Variants in CNTN4 observed in about 807,000 individuals in gnomAD.
CNTN4 encodes contactin-4.
In CNTN4, 77 loss-of-function variants were observed where a neutral mutation model predicts 122.5. The ratio of observed to expected loss-of-function variants is 0.63; its 90% CI spans 0.52 to 0.76. The LOEUF (loss-of-function observed/expected upper bound fraction) is 0.76, where lower values mean the gene tolerates loss of function less well. CNTN4 is among the 30% of genes least tolerant of loss of function. CNTN4 has a pLI of 0.00. For missense variants in CNTN4, 1,256 were observed against 1,259.1 expected (o/e 1.00, Z 0.04); for synonymous variants, 512 against 447.0 (o/e 1.15, Z -1.83).
At chr3:2,235,225 A>C (rs1304955471) in intron 2 of CNTN4, among the ~76,000 whole-genome samples, 2 of 152,210 alleles carry the variant, frequency 1.3e-5, no homozygotes, top group Non-Finnish European at 2.9e-5. Context: ...TAATGATGCC[A>C]ACATTATCAA....
chr3:2,574,534 C>T (rs575592409), intron 4 of CNTN4, among the ~76,000 whole-genome samples: 5 of 152,144 alleles, frequency 3.3e-5, no homozygotes, highest in South Asian at 4.2e-4. Flanking sequence ...TCTTTTTCGC[C>T]AGATGACTCA....
At chr3:2,602,435 C>T (rs1028679740) in intron 4 of CNTN4, among the ~76,000 whole-genome samples, 2 of 152,124 alleles carry the variant, frequency 1.3e-5, no homozygotes, top group African/African-American at 4.8e-5. Context: ...CACAAGCATT[C>T]CTATACACCA....
intron 13 of CNTN4, among the ~76,000 whole-genome samples, chr3:2,947,044 A>G (rs1249593903): frequency 1.3e-5 from 2 of 152,156 alleles, no homozygotes; most frequent in Admixed American, 6.5e-5. Flanking sequence ...TCCAGAGCTA[A>G]GAAGAGTTAT....
chr3:2,621,512 G>A (rs1409807625), intron 4 of CNTN4, among the ~76,000 whole-genome samples: 1 of 152,064 alleles, frequency 6.6e-6, no homozygotes, highest in Non-Finnish European at 1.5e-5. Flanking sequence ...TGGGGGGCTA[G>A]TGGAGGGATA....
intron 2 of CNTN4, among the ~76,000 whole-genome samples, chr3:2,141,244 T>G (rs1458307428): frequency 6.6e-6 from 1 of 152,150 alleles, no homozygotes; most frequent in Non-Finnish European, 1.5e-5. Context: ...TCTGCCAATA[T>G]GATGAAGGTA....
At chr3:2,844,543 C>A (rs1357723034) in intron 7 of CNTN4, among the ~76,000 whole-genome samples, 1 of 152,092 alleles carries the variant, frequency 6.6e-6, no homozygotes, top group Non-Finnish European at 1.5e-5. Context: ...ATGGACTGGG[C>A]AATTACCCAT....
At chr3:2,769,325 C>T (rs547675044) in intron 6 of CNTN4, among the ~76,000 whole-genome samples, 3 of 152,006 alleles carry the variant, frequency 2.0e-5, no homozygotes, top group South Asian at 2.1e-4. Context: ...ATTAGTCGGG[C>T]GTGGTGGCGC....
intron 14 of CNTN4, among the ~76,000 whole-genome samples, chr3:3,006,525 A>G (rs1320588649): frequency 1.3e-5 from 2 of 152,196 alleles, no homozygotes; most frequent in Non-Finnish European, 2.9e-5. Context: ...TGCAAAGGAT[A>G]CTAGAAAGGG....
Position 2,841,826 on chromosome 3 carries a change from T to G in CNTN4, c.454+22245T>G, listed in dbSNP as rs2093367256. Among the ~76,000 whole-genome samples, 2 of 152,214 alleles carry G rather than the reference T, an allele frequency of 1.3e-5. No homozygotes were observed. The highest frequency in any genetic ancestry group is 4.1e-4 in the South Asian group (2 of 4,830). ...TTAAACGTTTCACCAGGGAAATGGC[T>G]GGTAAGAGATTTAGTCCTAGGAGTA... On this transcript the variant is annotated intron_variant, in intron 7 of 24. Coordinates refer to ENST00000418658, the MANE Select transcript of CNTN4 (RefSeq NM_175607.3). This position sits in a 1 kb window ranked among gnomAD's most constrained non-coding sequence, Gnocchi z 4.8.
chr3:2,593,150 T>C (rs2080581121), intron 4 of CNTN4, among the ~76,000 whole-genome samples: 1 of 152,176 alleles, frequency 6.6e-6, no homozygotes, highest in Non-Finnish European at 1.5e-5. Context: ...GGTCTATACA[T>C]TTTCTGAATG....
chr3:2,101,938 C>A lies in CNTN4; in HGVS notation c.-145+1299C>A, dbSNP rs1179412288. 2.6e-5 allele frequency among the ~76,000 whole-genome samples: 4 copies of A among 152,156 alleles called. No homozygotes were observed. In the East Asian group the frequency reaches 7.7e-4, roughly 29 times the overall value. On this transcript the variant is annotated intron_variant, in intron 2 of 24. Transcript: ENST00000418658. ...TCCTTATCTCTGCTCTGCTGTTCATCATCTCTGATACTCTAGCCAGTTGTA... is the reference window on the plus strand; with the variant it reads ...TCCTTATCTCTGCTCTGCTGTTCATAATCTCTGATACTCTAGCCAGTTGTA...
chr3:2,596,160 TTGAC>T (rs1160486369), intron 4 of CNTN4, among the ~76,000 whole-genome samples: 2 of 152,196 alleles, frequency 1.3e-5, no homozygotes, highest in Non-Finnish European at 1.5e-5. Context: ...ATCCTGCAGT[TTGAC>T]TGTAGATAGG....
At position 2,633,537 on chromosome 3, in the gene CNTN4, C is replaced by A. The variant is rs115248168; in HGVS notation, c.55+61979C>A. 2.4e-3 allele frequency among the ~76,000 whole-genome samples: 371 copies of A among 152,296 alleles called. 1 individual carries two copies. The highest frequency in any genetic ancestry group is 8.4e-3 in the African/African-American group (351 of 41,562). ...ACAGAAAGTCAAGCTTGATTTGGGGCTTAAATCCATTGTGAAAATGCAGTA... is the reference window on the plus strand; with the variant it reads ...ACAGAAAGTCAAGCTTGATTTGGGGATTAAATCCATTGTGAAAATGCAGTA... On this transcript the variant is annotated intron_variant, in intron 4 of 24. Transcript: ENST00000418658.
rs552554243 is a variant in CNTN4, at chr3:2,417,574, A to G, written c.-89+78341A>G. Among the ~76,000 whole-genome samples, 13 of 152,338 alleles carry G rather than the reference A, an allele frequency of 8.5e-5. No homozygotes were observed. The East Asian group carries it at 1.2e-3, about 14-fold the overall frequency. On this transcript the variant is annotated intron_variant, in intron 3 of 24. Coordinates refer to ENST00000418658, the MANE Select transcript of CNTN4 (RefSeq NM_175607.3). ...ATAAACTAGCTAATAAAATGAGATTAGAACCTTCAAAACTAAACATCCTCT... is the reference window on the plus strand; with the variant it reads ...ATAAACTAGCTAATAAAATGAGATTGGAACCTTCAAAACTAAACATCCTCT...
chr3:2,211,676 A>T (rs2038624638), intron 2 of CNTN4, among the ~76,000 whole-genome samples: 1 of 151,910 alleles, frequency 6.6e-6, no homozygotes, highest in African/African-American at 2.4e-5. Context: ...TTAAATTTTT[A>T]TTTTTTTTCT....
intron 4 of CNTN4, among the ~76,000 whole-genome samples, chr3:2,718,858 A>C (rs1327105194): frequency 1.3e-5 from 2 of 152,220 alleles, no homozygotes; most frequent in African/African-American, 4.8e-5. Flanking sequence ...ACATATGCAC[A>C]TTCATATGCA....
intron 12 of CNTN4, among the ~76,000 whole-genome samples, chr3:2,913,281 C>A (rs1415832062): frequency 6.6e-6 from 1 of 152,070 alleles, no homozygotes; most frequent in Non-Finnish European, 1.5e-5. Flanking sequence ...AACAAATGAA[C>A]AAAATGGCAA....
chr3:2,584,420 T>C lies in CNTN4; in HGVS notation c.55+12862T>C, dbSNP rs575121765. Among the ~76,000 whole-genome samples, 4 of 152,094 alleles carry C rather than the reference T, an allele frequency of 2.6e-5. No individual in the cohort carries two copies. In the South Asian group the frequency reaches 8.3e-4, roughly 32 times the overall value. On this transcript the variant is annotated intron_variant, in intron 4 of 24. Coordinates refer to ENST00000418658, the MANE Select transcript of CNTN4 (RefSeq NM_175607.3). ...TAAAGTTGACCAAGAACGGAATAGG[T>C]CTGCCGGGCACAGTGGCTCGTGCCT...
At chr3:2,252,138 C>T (rs962920850) in intron 2 of CNTN4, among the ~76,000 whole-genome samples, 2 of 151,966 alleles carry the variant, frequency 1.3e-5, no homozygotes, top group Non-Finnish European at 2.9e-5. Context: ...TGAATGAAGA[C>T]ATTGCAGATA....
Sources: allele counts gnomAD v4.1 joint callset (sites outside exome capture counted in the v4.1 genomes callset), GRCh38; gene constraint gnomAD v4.1.1; non-coding constraint Gnocchi (gnomAD v3.1); transcripts MANE v1.5; gene names NCBI Gene and HGNC (gene_info 2026-07-23, HGNC 2026-07-21).